SCMH1: variants seen among roughly 807,000 people sequenced by gnomAD.
SCMH1 encodes the protein Scm polycomb group protein homolog 1, also known as polycomb protein SCMH1.
SCMH1 carries 37 observed loss-of-function variants against 70.8 expected under a neutral mutation model. The ratio of observed to expected loss-of-function variants is 0.52; its 90% CI spans 0.40 to 0.69. The LOEUF (loss-of-function observed/expected upper bound fraction) is 0.69. SCMH1 is among the 30% of genes least tolerant of loss of function. SCMH1 has a pLI of 0.00. For missense variants in SCMH1, 607 were observed against 827.3 expected (o/e 0.73, Z 3.27); for synonymous variants, 292 against 307.4 (o/e 0.95, Z 0.52).
intron 1 of SCMH1, among the ~76,000 whole-genome samples, chr1:41,202,678 T>C (rs1396567363): frequency 6.6e-6 from 1 of 152,108 alleles, no homozygotes; most frequent in Non-Finnish European, 1.5e-5. Context: ...GCAGACTCAC[T>C]AAGAGCACTG....
At chr1:41,146,387 TA>T (rs1361996610) in intron 5 of SCMH1, among the ~76,000 whole-genome samples, 1 of 152,116 alleles carries the variant, frequency 6.6e-6, no homozygotes, top group African/African-American at 2.4e-5. Context: ...TAAATAAATT[TA>T]GTGTAGCCTG....
intron 10 of SCMH1, among the ~76,000 whole-genome samples, chr1:41,049,766 C>CAA (rs11400346): frequency 0.16 from 19,539 of 123,012 alleles, 1,816 homozygotes; most frequent in Admixed American, 0.29. Context: ...GAATTGGTCT[C>CAA]AAAAAAAAAA....
rs193109343 is a variant in SCMH1, at chr1:41,082,368, C to T, written c.746-6917G>A. Among the ~76,000 whole-genome samples the T allele has an allele frequency of 7.9e-5, 12 of 152,214 alleles. No homozygotes were observed. In the East Asian group the frequency reaches 1.9e-3, roughly 24 times the overall value. ...CCCATCAGACTAACAGCGGATCTCT[C>T]GGCAGAAACTCCACAAGCCAGAAGA... On this transcript the variant is annotated intron_variant, in intron 8 of 14. Transcript: ENST00000337495.
chr1:41,168,455 G>C (rs1162738821), intron 2 of SCMH1, among the ~76,000 whole-genome samples: 2 of 151,736 alleles, frequency 1.3e-5, no homozygotes, highest in Non-Finnish European at 2.9e-5. Flanking sequence ...TTCAGTTACA[G>C]TATTTTTCAC....
chr1:41,054,165 T>C lies in SCMH1; in HGVS notation c.1106-5275A>G, dbSNP rs1214884046. ...GGCCTAAAGGTTCTTAATGAGGCTGTCAGTGAAGGTTTAAGGGAAAGTGAA... is the reference window on the plus strand; with the variant it reads ...GGCCTAAAGGTTCTTAATGAGGCTGCCAGTGAAGGTTTAAGGGAAAGTGAA... On this transcript the variant is annotated intron_variant, in intron 10 of 14. Transcript: ENST00000337495. Among the ~76,000 whole-genome samples, 7 of 152,190 alleles carry C rather than the reference T, an allele frequency of 4.6e-5. No individual in the cohort carries two copies. The East Asian group carries it at 1.2e-3, about 25-fold the overall frequency.
intron 1 of SCMH1, among the ~76,000 whole-genome samples, chr1:41,240,746 CTTT>C (rs200850811): frequency 5.1e-5 from 7 of 138,050 alleles, no homozygotes; most frequent in Admixed American, 1.4e-4. Context: ...TAAATGTTTT[CTTT>C]TTTTTTTTTT....
chr1:41,052,992 A>G (rs1396541825), intron 10 of SCMH1, among the ~76,000 whole-genome samples: 1 of 145,966 alleles, frequency 6.9e-6, no homozygotes, highest in African/African-American at 2.6e-5. Context: ...GTCTTGGCTC[A>G]CTGCAACCTC....
chr1:41,156,412 G>A (rs944514974), intron 4 of SCMH1, among the ~76,000 whole-genome samples: 21 of 152,086 alleles, frequency 1.4e-4, no homozygotes, highest in Admixed American at 2.6e-4. Flanking sequence ...TTTGTTAAAC[G>A]CCACTGATGG....
At chr1:41,085,775 T>C (rs940398391) in intron 8 of SCMH1, among the ~76,000 whole-genome samples, 9 of 151,864 alleles carry the variant, frequency 5.9e-5, no homozygotes, top group African/African-American at 2.2e-4. Context: ...ATTGGTTACA[T>C]ATTGAAATGA....
At chr1:41,046,737 C>T (rs1646934309) in intron 11 of SCMH1, 139 bp from the exon 12 acceptor site, 7 of 683,224 alleles carry the variant, frequency 1.0e-5, no homozygotes, top group Non-Finnish European at 1.8e-5. Context: ...TTCCTCCCTC[C>T]CTCCCTTTAA....
chr1:41,189,064 A>G (rs1412853396), intron 1 of SCMH1, among the ~76,000 whole-genome samples: 1 of 151,948 alleles, frequency 6.6e-6, no homozygotes, highest in Non-Finnish European at 1.5e-5. Flanking sequence ...ATGGAAGGAC[A>G]AGCTACAGGG....
intron 8 of SCMH1, among the ~76,000 whole-genome samples, chr1:41,111,908 C>T (rs1199881074): frequency 2.6e-5 from 4 of 152,058 alleles, no homozygotes; most frequent in African/African-American, 4.8e-5. Context: ...TAAATATGTT[C>T]ATTATTTTCA....
intron 10 of SCMH1, among the ~76,000 whole-genome samples, chr1:41,057,958 T>C (rs181230370): frequency 1.3e-5 from 2 of 151,750 alleles, no homozygotes; most frequent in African/African-American, 2.4e-5. Flanking sequence ...TTGTCTCTAC[T>C]AAAATTACAA....
At chr1:41,139,892 A>C (rs1643890103) in intron 6 of SCMH1, among the ~76,000 whole-genome samples, 1 of 152,180 alleles carries the variant, frequency 6.6e-6, no homozygotes, top group African/African-American at 2.4e-5. Flanking sequence ...TAATGTATTT[A>C]TAAAGCAAAA....
chr1:41,219,311 A>G (rs947477887), intron 1 of SCMH1, among the ~76,000 whole-genome samples: 7 of 152,240 alleles, frequency 4.6e-5, no homozygotes, highest in Non-Finnish European at 8.8e-5. Flanking sequence ...TAAGAACAGC[A>G]CTTTCCTAAG....
chr1:41,220,893 T>C (rs572373621), intron 1 of SCMH1, among the ~76,000 whole-genome samples: 25 of 152,210 alleles, frequency 1.6e-4, no homozygotes, highest in Non-Finnish European at 3.1e-4. Context: ...CCATCAACTT[T>C]TGGTGTAATG....
At chr1:41,075,477 A>C (rs1170766246) in intron 8 of SCMH1, 26 bp from the exon 9 acceptor site, 1 of 1,571,792 alleles carries the variant, frequency 6.4e-7, no homozygotes, top group Non-Finnish European at 8.7e-7. Flanking sequence ...TCATTCTATC[A>C]CCCTCCCTCC....
chr1:41,027,203 ATCTATAT>A (rs1272126925), exon 15 of SCMH1: 1 of 152,232 alleles, frequency 6.6e-6, no homozygotes, highest in Non-Finnish European at 1.5e-5. Flanking sequence ...AGACACTGGT[ATCTATAT>A]TGGTTTTTAT....
chr1:41,077,330 G>A (rs866617634), intron 8 of SCMH1, among the ~76,000 whole-genome samples: 2 of 152,122 alleles, frequency 1.3e-5, no homozygotes, highest in Admixed American at 6.5e-5. Context: ...GAGCTGCTGC[G>A]ACAAACTGGA....
Sources: gnomAD v4.1 joint callset for allele counts (sites outside exome capture counted in the v4.1 genomes callset) on GRCh38, gnomAD v4.1.1 for gene constraint, MANE v1.5 for transcripts, NCBI Gene and HGNC (gene_info 2026-07-23, HGNC 2026-07-21) for gene names.